The following EPB41L1 variants were observed in gnomAD, a reference collection of about 807,000 sequenced individuals.
EPB41L1 encodes the protein band 4.1-like protein 1.
Under a neutral mutation model 97.8 loss-of-function variants are expected in EPB41L1, and 29 were observed. The ratio of observed to expected loss-of-function variants is 0.30; its 90% confidence interval spans 0.22 to 0.40. EPB41L1 has a LOEUF of 0.40. Among genes scored for constraint, EPB41L1 ranks in the 10% least tolerant of loss-of-function variants. The pLI is 1.00. For synonymous variants in EPB41L1, 383 were observed against 459.2 expected (o/e 0.83, Z 2.12); for missense variants, 812 against 1,162.3 (o/e 0.70, Z 4.38).
intron 1 of EPB41L1, among the ~76,000 whole-genome samples, chr20:36,172,064 A>G (rs1229872732): frequency 6.6e-6 from 1 of 152,046 alleles, no homozygotes; most frequent in Non-Finnish European, 1.5e-5. Flanking sequence ...AAAAGTACGT[A>G]TGTATATTTT....
At chr20:36,117,163 C>A (rs1354116537) in intron 2 of EPB41L1, among the ~76,000 whole-genome samples, 3 of 152,146 alleles carry the variant, frequency 2.0e-5, no homozygotes, top group Admixed American at 2.0e-4. Flanking sequence ...CTCTGAAATG[C>A]TGACTCTGGC....
At chr20:36,126,908 C>A (rs1362288074) in intron 2 of EPB41L1, among the ~76,000 whole-genome samples, 1 of 152,238 alleles carries the variant, frequency 6.6e-6, no homozygotes, top group Non-Finnish European at 1.5e-5. Flanking sequence ...CACAGCTGGG[C>A]TTGGCCCAGG....
chr20:36,182,222 A>G (rs774383842), intron 5 of EPB41L1, 50 bp from the exon 6 acceptor site: 60 of 1,558,090 alleles, frequency 3.9e-5, no homozygotes, highest in Non-Finnish European at 5.0e-5. Flanking sequence ...CATCTGGACC[A>G]CCCAGTGGGG....
intron 1 of EPB41L1, among the ~76,000 whole-genome samples, chr20:36,156,507 G>T (rs1040438016): frequency 6.6e-6 from 1 of 152,194 alleles, no homozygotes; most frequent in South Asian, 2.1e-4. Flanking sequence ...GCAGCTGAGC[G>T]GGGGAGTCAG....
rs770989971 is a variant in EPB41L1, at chr20:36,210,632, C to T, written c.2079+734C>T. Among the ~76,000 whole-genome samples, 3 of 152,162 alleles carry T rather than the reference C, an allele frequency of 2.0e-5. No homozygotes were observed. The South Asian group carries it at 6.2e-4, about 32-fold the overall frequency. ...TGAGCAGGTTTTTTTTTCTCCCTTTCGGTGCCTTACAAACCTATCATGTTC... is the reference window on the plus strand; with the variant it reads ...TGAGCAGGTTTTTTTTTCTCCCTTTTGGTGCCTTACAAACCTATCATGTTC... On this transcript the variant is annotated intron_variant, in intron 15 of 21. Coordinates refer to ENST00000338074, the MANE Select transcript of EPB41L1 (RefSeq NM_012156.2).
In EPB41L1 at chr20:36,093,690, T is replaced by C. The variant is rs1011132301; in HGVS notation, c.-65+2078T>C. 2.3e-5 allele frequency among the ~76,000 whole-genome samples: 3 copies of C among 128,570 alleles called. No homozygotes were observed. The highest frequency in any genetic ancestry group is 1.2e-4 in the African/African-American group (3 of 24,912). The allele number at this position is 128,570 out of a possible 152,430, so 84.3% of individuals were successfully genotyped here. A position where few individuals can be genotyped will look rare whatever the true frequency, so the allele number is the denominator to read the frequency against. Reference sequence around the variant, plus strand: ...AAGCCCGTGTGCGTGCGTGCGTGCGTGTGTGTGTGTGTGTATGTGTATGCG... The same window carrying C: ...AAGCCCGTGTGCGTGCGTGCGTGCGCGTGTGTGTGTGTGTATGTGTATGCG... On this transcript the variant is annotated intron_variant, in intron 1 of 19. Transcript: ENST00000202028. The surrounding 1 kb of genome is among the most constrained non-coding windows in gnomAD (Gnocchi z 5.4).
chr20:36,197,692 C>T, intron 13 of EPB41L1, 167 bp from the exon 14 acceptor site: 1 of 985,378 alleles, frequency 1.0e-6, no homozygotes, highest in Non-Finnish European at 1.2e-6. Flanking sequence ...GGTGGTTCTC[C>T]TTGCCCTGGT....
At chr20:36,204,632 G>A (rs949231758) in intron 14 of EPB41L1, among the ~76,000 whole-genome samples, 2 of 150,778 alleles carry the variant, frequency 1.3e-5, no homozygotes, top group African/African-American at 2.4e-5. Context: ...TTACAGGTGT[G>A]AGCCACCGCG....
At chr20:36,184,917 C>T (rs1429775863) in intron 6 of EPB41L1, among the ~76,000 whole-genome samples, 200 bp from the exon 7 acceptor site, 15 of 152,176 alleles carry the variant, frequency 9.9e-5, no homozygotes, top group Admixed American at 9.8e-4. Context: ...TAGAAATGCA[C>T]AAAAATGCTT....
At chr20:36,186,260 G>A (rs2061679365) in intron 7 of EPB41L1, among the ~76,000 whole-genome samples, 2 of 152,300 alleles carry the variant, frequency 1.3e-5, no homozygotes, top group Middle Eastern at 3.4e-3. Flanking sequence ...AGTATTTGGG[G>A]CTGTAAGTCC....
intron 2 of EPB41L1, among the ~76,000 whole-genome samples, chr20:36,132,857 T>C (rs942770142): frequency 6.6e-6 from 1 of 152,186 alleles, no homozygotes; most frequent in Non-Finnish European, 1.5e-5. Context: ...CTGGTAGGTG[T>C]GGGACCCACT....
chr20:36,173,417 G>C (rs2061079774), intron 1 of EPB41L1, among the ~76,000 whole-genome samples: 1 of 152,208 alleles, frequency 6.6e-6, no homozygotes, highest in Non-Finnish European at 1.5e-5. Flanking sequence ...AGACAGCCTG[G>C]CTTGGACCCT....
At chr20:36,193,406 G>A (rs1395645735) in intron 11 of EPB41L1, among the ~76,000 whole-genome samples, 2 of 152,128 alleles carry the variant, frequency 1.3e-5, no homozygotes, top group Non-Finnish European at 2.9e-5. Context: ...GAATAGAAAG[G>A]ATAATTATCC....
chr20:36,149,525 G>A (rs1441069135), intron 2 of EPB41L1, among the ~76,000 whole-genome samples: 3 of 152,180 alleles, frequency 2.0e-5, no homozygotes, highest in African/African-American at 4.8e-5. Context: ...GCTGGAGGGG[G>A]GAGGTCCCTG....
At chr20:36,200,757 G>A (rs1372246371) in intron 14 of EPB41L1, 4 of 394,496 alleles carry the variant, frequency 1.0e-5, no homozygotes, top group Non-Finnish European at 2.0e-5. Context: ...GCTATTTATG[G>A]ACTTTGTGTG....
At chr20:36,215,207 T>A (rs1014931046) in intron 17 of EPB41L1, among the ~76,000 whole-genome samples, 3 of 151,894 alleles carry the variant, frequency 2.0e-5, no homozygotes, top group Non-Finnish European at 2.9e-5. Context: ...ATAGATGAGG[T>A]AACTGAAGTT....
At chr20:36,215,598 G>C (rs1199910431) in intron 17 of EPB41L1, among the ~76,000 whole-genome samples, 2 of 152,180 alleles carry the variant, frequency 1.3e-5, no homozygotes, top group African/African-American at 4.8e-5. Flanking sequence ...TGGTCACTCA[G>C]TTCCTCCTCT....
chr20:36,119,647 G>A (rs1364830412), intron 2 of EPB41L1, among the ~76,000 whole-genome samples: 16 of 147,974 alleles, frequency 1.1e-4, no homozygotes, highest in Admixed American at 1.1e-3. Flanking sequence ...GAGGGGAGAG[G>A]AGGGGAGGGG....
chr20:36,107,015 G>A (rs1318689949), intron 1 of EPB41L1, among the ~76,000 whole-genome samples: 1 of 152,020 alleles, frequency 6.6e-6, no homozygotes, highest in Admixed American at 6.6e-5. Context: ...TGTTGTCTGG[G>A]CTGGTCTCAA....
Sources: allele counts gnomAD v4.1 joint callset (sites outside exome capture counted in the v4.1 genomes callset), GRCh38; gene constraint gnomAD v4.1.1; non-coding constraint Gnocchi (gnomAD v3.1); transcripts MANE v1.5; gene names NCBI Gene and HGNC (gene_info 2026-07-23, HGNC 2026-07-21).